FBLN1: variants seen among roughly 807,000 people sequenced by gnomAD.
FBLN1 encodes fibulin-1.
A neutral mutation model predicts 89.7 loss-of-function variants in FBLN1; 34 were observed. The ratio of observed to expected loss-of-function variants is 0.38; its 90% CI spans 0.29 to 0.50. The LOEUF (loss-of-function observed/expected upper bound fraction) is 0.50. Among genes scored for constraint, FBLN1 ranks in the 20% least tolerant of loss-of-function variants. The pLI is 0.92. For synonymous variants in FBLN1, 393 were observed against 391.3 expected, an observed-to-expected ratio of 1.00 and a Z score of -0.05; for missense variants, 777 against 988.1, an observed-to-expected ratio of 0.79 and a Z score of 2.86.
rs6519861 is a variant in FBLN1, at chr22:45,540,763, C to T, written c.923-466C>T. ...GTGTCCACTCAAGGAAGGAGACTGC[C>T]GTGCAGTGAGCTCAGGGAGCCATGG... is the stretch of plus-strand genomic sequence containing the variant. On this transcript the variant is annotated intron_variant, in intron 8 of 16. Coordinates refer to ENST00000327858, the MANE Select transcript of FBLN1 (RefSeq NM_006486.3). Among the ~76,000 whole-genome samples the T allele has an allele frequency of 9.5e-3, 1,452 of 152,300 alleles. 11 individuals are homozygous for T. The highest frequency in any genetic ancestry group is 0.015 in the Non-Finnish European group (1,026 of 68,030).
chr22:45,592,219 A>G (rs1050580076), intron 16 of FBLN1, among the ~76,000 whole-genome samples: 2 of 152,220 alleles, frequency 1.3e-5, no homozygotes, highest in African/African-American at 2.4e-5. Context: ...CTGTGGGCAC[A>G]TAGGGTCTCT....
rs566789982 is a variant in FBLN1 at position 45,518,573 on chromosome 22, A to T, written c.80-109A>T. ...GACTAAGGGATGTGCCCCCAGCCTG[A>T]TGCTGTCGTCAAGACAGAAGGACGT... On this transcript the variant is annotated intron_variant, in intron 1 of 16. Transcript: ENST00000327858. 2.4e-3 allele frequency: 1,909 copies of T among 809,310 alleles called. 5 individuals carry two copies. The highest frequency in any genetic ancestry group is 3.0e-3 in the Non-Finnish European group (1,426 of 477,872). The allele number at this position is 809,310 out of a possible 1,614,324, so 50.1% of individuals were successfully genotyped here. A position where few individuals can be genotyped will look rare whatever the true frequency, so the allele number is the denominator to read the frequency against.
Position 45,600,803 on chromosome 22 carries a change from C to G in FBLN1, c.*357C>G. ...TGCCAAAAGAAGACCAGTTCTTGCC[C>G]TGATTGTATGAAATTTGACATTTTG... On this transcript the variant is annotated 3_prime_UTR_variant, in exon 17 of 17. Coordinates refer to ENST00000327858, the MANE Select transcript of FBLN1 (RefSeq NM_006486.3). The G allele has an allele frequency of 2.9e-6, 1 of 342,432 alleles. No individual in the cohort carries two copies. The highest frequency in any genetic ancestry group is 5.5e-6 in the Non-Finnish European group (1 of 181,818). 21.2% of individuals were successfully genotyped at this position (342,432 alleles called of 1,614,324 possible).
intron 10 of FBLN1, among the ~76,000 whole-genome samples, chr22:45,542,746 C>G (rs2088573583): frequency 6.6e-6 from 1 of 152,250 alleles, no homozygotes; most frequent in African/African-American, 2.4e-5. Flanking sequence ...CTCAGGGAAG[C>G]CTGGCAGCTG....
Position 45,542,252 on chromosome 22 carries a change from C to G in FBLN1, c.1164C>G (p.Tyr388Ter). 6.2e-7 allele frequency: 1 copy of G among 1,614,118 alleles called. No individual in the cohort carries two copies. Among genetic ancestry groups the G allele is most frequent in the South Asian group, 1.1e-5 (1 of 91,090 alleles). Residue 388 changes from tyrosine (Y) to a stop codon, truncating the protein, a stop_gained, in exon 10 of 17, where the codon TAC becomes TAG. Transcript: ENST00000327858. LOFTEE classifies it high-confidence loss of function. Reference protein sequence around the residue: ...GSFRCECKTGYYFDGISRMCV... With the variant: ...GSFRCECKTG ...TCCGCTGCGAATGCAAGACGGGTTA[C>G]TATTTTGACGGCATCAGCAGGATGT... is the stretch of plus-strand genomic sequence containing the variant.
At position 45,592,555 on chromosome 22, in the gene FBLN1, T is replaced by A. The variant is rs149029113; in HGVS notation, c.1973-7752T>A. Among the ~76,000 whole-genome samples, 3 of 152,338 alleles carry A rather than the reference T, an allele frequency of 2.0e-5. No homozygotes were observed. The East Asian group carries it at 5.8e-4, about 29-fold the overall frequency. On this transcript the variant is annotated intron_variant, in intron 16 of 16. Coordinates refer to ENST00000327858, the MANE Select transcript of FBLN1 (RefSeq NM_006486.3). ...GTTGGCCAGGCTGGTCTCGAACTCC[T>A]GACCTCAGATGATCCACCCACCTTG...
At position 45,549,244 on chromosome 22, in the gene FBLN1, C is replaced by T. The variant is rs926835689; in HGVS notation, c.1573+500C>T. ...ATGCTCTAGGGGGCAGTGTGTGTCC[C>T]CCAGAGCCATCTGATAACCATCCAT... On this transcript the variant is annotated intron_variant, in intron 13 of 16. Transcript: ENST00000327858. This position sits in a 1 kb window ranked among gnomAD's most constrained non-coding sequence, Gnocchi z 5.7. 1.3e-5 allele frequency among the ~76,000 whole-genome samples: 2 copies of T among 152,210 alleles called. No individual in the cohort carries two copies. The highest frequency in any genetic ancestry group is 6.5e-5 in the Admixed American group (1 of 15,294).
Position 45,530,745 on chromosome 22 carries a change from C to G in FBLN1, c.485-520C>G, listed in dbSNP as rs928459249. ...AGTCAATGATTACAGGCCTTTGTGT[C>G]TGTGGTCTTTCTGTTATAACTGATC... On this transcript the variant is annotated intron_variant, in intron 4 of 16. Transcript: ENST00000327858. The surrounding 1 kb of genome is among the most constrained non-coding windows in gnomAD (Gnocchi z 5.4). Among the ~76,000 whole-genome samples the G allele has an allele frequency of 2.0e-5, 3 of 151,600 alleles. No individual in the cohort carries two copies. The highest frequency in any genetic ancestry group is 7.3e-5 in the African/African-American group (3 of 41,096).
chr22:45,534,441 C>A (rs914989015), intron 7 of FBLN1, among the ~76,000 whole-genome samples: 1 of 152,234 alleles, frequency 6.6e-6, no homozygotes, highest in African/African-American at 2.4e-5. Context: ...TTTCTGGCTG[C>A]CAGCCTTTCC....
chr22:45,527,657 G>C (rs2088347232), intron 3 of FBLN1, among the ~76,000 whole-genome samples, 190 bp from the exon 4 acceptor site: 1 of 152,136 alleles, frequency 6.6e-6, no homozygotes, highest in African/African-American at 2.4e-5. Context: ...TAGATGATTT[G>C]GAGTAGGGGG....
rs2088400633 is a variant in FBLN1 at position 45,531,121 on chromosome 22, T to C, written c.485-144T>C. 6.9e-6 allele frequency: 5 copies of C among 724,490 alleles called. No homozygotes were observed. Among genetic ancestry groups the C allele is most frequent in the Admixed American group, 6.1e-5 (3 of 48,950 alleles). 44.9% of individuals were successfully genotyped at this position (724,490 alleles called of 1,614,324 possible). On this transcript the variant is annotated intron_variant, in intron 4 of 16. Coordinates refer to ENST00000327858, the MANE Select transcript of FBLN1 (RefSeq NM_006486.3). The surrounding 1 kb of genome is among the most constrained non-coding windows in gnomAD (Gnocchi z 4.9). ...AAGTGTAATTCTAGCTTAAAGAGGA[T>C]AAAGTTAATACTTAGCTGTTTATAT... is the stretch of plus-strand genomic sequence containing the variant.
intron 2 of FBLN1, among the ~76,000 whole-genome samples, chr22:45,523,463 G>T (rs2088278368): frequency 6.6e-6 from 1 of 152,230 alleles, no homozygotes; most frequent in African/African-American, 2.4e-5. Flanking sequence ...ACCACTTCGG[G>T]AGGCTGAGGC....
chr22:45,516,669 GT>G (rs1175003258), intron 1 of FBLN1, among the ~76,000 whole-genome samples: 1 of 152,252 alleles, frequency 6.6e-6, no homozygotes, highest in Non-Finnish European at 1.5e-5. Flanking sequence ...GGGCTGAGTG[GT>G]CAGGCTGCTG....
chr22:45,523,985 G>A (rs1471968093), intron 2 of FBLN1, among the ~76,000 whole-genome samples: 6 of 152,206 alleles, frequency 3.9e-5, no homozygotes, highest in Admixed American at 6.5e-5. Flanking sequence ...ATGGATGCAC[G>A]CATGGCTGGT....
chr22:45,600,560 G>A lies in FBLN1; in HGVS notation c.*114G>A. 1 of 1,220,594 alleles carries A rather than the reference G, an allele frequency of 8.2e-7. No individual in the cohort carries two copies. The highest frequency in any genetic ancestry group is 1.2e-5 in the South Asian group (1 of 82,592). 75.6% of individuals were successfully genotyped at this position (1,220,594 alleles called of 1,614,324 possible). Reference sequence around the variant, plus strand: ...ACTTTTTTAATGTTAGGTATTTGTAGCATTAGGCCAACATGTATTAAGCTG... The same window carrying A: ...ACTTTTTTAATGTTAGGTATTTGTAACATTAGGCCAACATGTATTAAGCTG... On this transcript the variant is annotated 3_prime_UTR_variant, in exon 17 of 17. Transcript: ENST00000327858.
Position 45,562,806 on chromosome 22 carries a change from G to A in FBLN1, c.1698-11705G>A. The stretch of plus-strand genomic sequence containing the variant: ...GTTGGCTGAATCGGCCAGAGGGGCG[G>A]CGGGAGGCCCCGCCTGCCAGCCCCG... On this transcript the variant is annotated intron_variant, in intron 14 of 16. Transcript: ENST00000327858. The surrounding 1 kb of genome is among the most constrained non-coding windows in gnomAD (Gnocchi z 7.8). 1 of 1,118,488 alleles carries A rather than the reference G, an allele frequency of 8.9e-7. No individual in the cohort carries two copies. The allele number at this position is 1,118,488 out of a possible 1,614,324, so 69.3% of individuals were successfully genotyped here. A position where few individuals can be genotyped will look rare whatever the true frequency, so the allele number is the denominator to read the frequency against.
rs1285029418 is a variant in FBLN1, at chr22:45,576,131, G to A, written c.1841-846G>A. ...CCCCTAGGTTTGCTCCTCCCGAAAA[G>A]GAATAACGCTGAATCGTCACAGGGT... is the stretch of plus-strand genomic sequence containing the variant. On this transcript the variant is annotated intron_variant, in intron 15 of 16. Transcript: ENST00000327858. The surrounding 1 kb of genome is among the most constrained non-coding windows in gnomAD (Gnocchi z 5.2). Among the ~76,000 whole-genome samples the A allele has an allele frequency of 6.6e-6, 1 of 152,208 alleles. No individual in the cohort carries two copies. The highest frequency in any genetic ancestry group is 2.4e-5 in the African/African-American group (1 of 41,446).
In FBLN1 at chr22:45,552,440, C is replaced by T. The variant is rs558893812; in HGVS notation, c.1697+1825C>T. On this transcript the variant is annotated intron_variant, in intron 14 of 16. Transcript: ENST00000327858. Reference sequence around the variant, plus strand: ...CCCGGGACTGATAGTGAGGAGGGGCCACCCCCTCTCAGCACTGCTAACCCC... The same window carrying T: ...CCCGGGACTGATAGTGAGGAGGGGCTACCCCCTCTCAGCACTGCTAACCCC... Among the ~76,000 whole-genome samples, 17 of 152,292 alleles carry T rather than the reference C, an allele frequency of 1.1e-4. 1 individual carries two copies. Among genetic ancestry groups the T allele is most frequent in the Middle Eastern group, 6.8e-3 (2 of 294 alleles).
Position 45,574,845 on chromosome 22 carries a change from C to T in FBLN1, c.1840+192C>T, listed in dbSNP as rs1301659676. Reference sequence around the variant, plus strand: ...CGCCCGGGCTGGAGTGCAGTGGTGCCATCTCGGCTCACTGCAAGCTCCACC... The same window carrying T: ...CGCCCGGGCTGGAGTGCAGTGGTGCTATCTCGGCTCACTGCAAGCTCCACC... On this transcript the variant is annotated intron_variant, in intron 15 of 16. Transcript: ENST00000327858. The surrounding 1 kb of genome is among the most constrained non-coding windows in gnomAD (Gnocchi z 4.1). Among the ~76,000 whole-genome samples the T allele has an allele frequency of 4.7e-5, 7 of 150,104 alleles. No homozygotes were observed. The highest frequency in any genetic ancestry group is 1.7e-4 in the African/African-American group (7 of 40,566).
Sources: allele counts gnomAD v4.1 joint callset (sites outside exome capture counted in the v4.1 genomes callset), GRCh38; gene constraint gnomAD v4.1.1; non-coding constraint Gnocchi (gnomAD v3.1); transcripts MANE v1.5; gene names NCBI Gene and HGNC (gene_info 2026-07-23, HGNC 2026-07-21).